The following NELL1 variants were observed in gnomAD, a reference collection of about 807,000 sequenced individuals.
NELL1 encodes the protein neural EGFL like 1, also known as protein kinase C-binding protein NELL1.
Under a neutral mutation model 107.4 loss-of-function variants are expected in NELL1, and 76 were observed. That is an observed-to-expected ratio of 0.71 (90% CI 0.59 to 0.86). The LOEUF (loss-of-function observed/expected upper bound fraction) is 0.86. Among genes scored for constraint, NELL1 ranks in the 40% least tolerant of loss-of-function variants. NELL1 has a pLI of 0.00. For missense variants in NELL1, 1,024 were observed against 1,005.5 expected (o/e 1.02, Z -0.25); for synonymous variants, 353 against 341.2 (o/e 1.03, Z -0.38).
intron 13 of NELL1, among the ~76,000 whole-genome samples, chr11:21,147,168 G>T (rs79426697): frequency 6.6e-6 from 1 of 152,196 alleles, no homozygotes. Context: ...TAGTAGTTCC[G>T]TGGGGGATTT....
At chr11:21,055,577 C>T (rs556511917) in intron 12 of NELL1, among the ~76,000 whole-genome samples, 38 of 152,006 alleles carry the variant, frequency 2.5e-4, no homozygotes, top group Admixed American at 2.5e-3. Flanking sequence ...TGAATAGAAA[C>T]CTTCTTTCTT....
chr11:20,676,012 G>C (rs1433557039), intron 1 of NELL1, among the ~76,000 whole-genome samples: 1 of 152,056 alleles, frequency 6.6e-6, no homozygotes, highest in African/African-American at 2.4e-5. Flanking sequence ...GCCTCCCAAA[G>C]TGTTAGAATT....
At chr11:21,468,205 T>A (rs1854079314) in intron 15 of NELL1, among the ~76,000 whole-genome samples, 2 of 152,100 alleles carry the variant, frequency 1.3e-5, no homozygotes. Context: ...CTGGCCATGT[T>A]GAAAAACTCA....
intron 14 of NELL1, among the ~76,000 whole-genome samples, chr11:21,261,165 T>A (rs1848522654): frequency 6.6e-6 from 1 of 151,684 alleles, no homozygotes; most frequent in Non-Finnish European, 1.5e-5. Context: ...TATAGATAAT[T>A]TGGGTGAAAA....
chr11:21,571,060 C>T (rs1370008805), intron 18 of NELL1, 120 bp downstream of exon 18: 1 of 836,912 alleles, frequency 1.2e-6, no homozygotes, highest in Non-Finnish European at 1.9e-6. Context: ...TCTGTGGGGC[C>T]TGTGGCTAAG....
In NELL1 at chr11:21,413,471, G is replaced by A. The variant is rs574138801; in HGVS notation, c.1645+42523G>A. ...AAAAAGTGTGGCTGCTTTGAAAGAC[G>A]AGCTTAAAGAAATCTCTAATCAAAT... On this transcript the variant is annotated intron_variant, in intron 15 of 19. Transcript: ENST00000357134. Among the ~76,000 whole-genome samples the A allele has an allele frequency of 5.1e-4, 78 of 152,044 alleles. 1 individual carries two copies. Among genetic ancestry groups the A allele is most frequent in the African/African-American group, 1.7e-3 (70 of 41,518 alleles).
chr11:20,862,628 T>TTTTA (rs869055167), intron 4 of NELL1, among the ~76,000 whole-genome samples: 1 of 138,760 alleles, frequency 7.2e-6, no homozygotes, highest in Non-Finnish European at 1.5e-5. Context: ...TTTTTTTTTT[T>TTTTA]ATTGATCATT....
intron 12 of NELL1, among the ~76,000 whole-genome samples, chr11:21,041,501 T>A (rs1189187395): frequency 6.6e-6 from 1 of 152,126 alleles, no homozygotes; most frequent in Non-Finnish European, 1.5e-5. Context: ...CCTTATCACC[T>A]TTCATGATGC....
chr11:21,062,816 G>GTTTA (rs202007953), intron 12 of NELL1, among the ~76,000 whole-genome samples: 5,591 of 151,436 alleles, frequency 0.037, 214 homozygotes, highest in East Asian at 0.15. Flanking sequence ...TTGTTTGTTT[G>GTTTA]TTTATTTATT....
chr11:21,081,028 T>C (rs963588925), intron 12 of NELL1, among the ~76,000 whole-genome samples: 4 of 152,084 alleles, frequency 2.6e-5, no homozygotes, highest in African/African-American at 7.2e-5. Flanking sequence ...ATATGACCTT[T>C]CAAGTCATTT....
intron 13 of NELL1, among the ~76,000 whole-genome samples, chr11:21,228,258 G>C (rs1857944948): frequency 6.6e-6 from 1 of 152,152 alleles, no homozygotes; most frequent in African/African-American, 2.4e-5. Context: ...GGAAATTATA[G>C]TTATCTATGA....
At chr11:21,570,626 C>G (rs1211756738) in intron 17 of NELL1, 138 bp from the exon 18 acceptor site, 1 of 569,450 alleles carries the variant, frequency 1.8e-6, no homozygotes, top group Non-Finnish European at 2.9e-6. Flanking sequence ...TTTGTGTGAA[C>G]ACACATGTGT....
intron 13 of NELL1, among the ~76,000 whole-genome samples, chr11:21,164,979 A>G (rs902677639): frequency 3.9e-5 from 6 of 152,092 alleles, no homozygotes; most frequent in Non-Finnish European, 7.4e-5. Flanking sequence ...CTTCTCATAG[A>G]GACTTGATTA....
intron 12 of NELL1, among the ~76,000 whole-genome samples, chr11:20,988,762 T>A (rs28485877): frequency 1.3e-5 from 2 of 151,762 alleles, no homozygotes; most frequent in South Asian, 2.1e-4. Flanking sequence ...ATTTTTTTTT[T>A]ATTTTTAGTA....
rs1361070149 is a variant in NELL1, at chr11:21,575,093, G to A, written c.*71G>A. ...TCCAACGTGATTAAGGATAGGAATC[G>A]GTAGTTTGGTTTTTTTGTTTGTTTT... On this transcript the variant is annotated 3_prime_UTR_variant, in exon 20 of 20. Transcript: ENST00000357134. 64 of 1,337,844 alleles carry A rather than the reference G, an allele frequency of 4.8e-5. No homozygotes were observed. Among genetic ancestry groups the A allele is most frequent in the Admixed American group, 1.0e-4 (6 of 57,286 alleles). The allele number at this position is 1,337,844 out of a possible 1,614,324, so 82.9% of individuals were successfully genotyped here. A position where few individuals can be genotyped will look rare whatever the true frequency, so the allele number is the denominator to read the frequency against.
At chr11:21,259,575 CG>C (rs1858853665) in intron 14 of NELL1, among the ~76,000 whole-genome samples, 1 of 151,750 alleles carries the variant, frequency 6.6e-6, no homozygotes. Context: ...AGACTGGGGT[CG>C]GTAGCCAGGA....
At chr11:20,907,184 T>A (rs1850017932) in intron 5 of NELL1, among the ~76,000 whole-genome samples, 2 of 135,660 alleles carry the variant, frequency 1.5e-5, no homozygotes, top group East Asian at 2.2e-4. Flanking sequence ...AAAGTAGAGG[T>A]AAATATCTAT....
chr11:21,073,140 T>C (rs1208439286), intron 12 of NELL1, among the ~76,000 whole-genome samples: 1 of 152,180 alleles, frequency 6.6e-6, no homozygotes, highest in Non-Finnish European at 1.5e-5. Flanking sequence ...GGAAATTATG[T>C]TGAGTCTGTT....
chr11:20,888,285 A>G (rs989426199), intron 5 of NELL1, among the ~76,000 whole-genome samples: 1 of 152,010 alleles, frequency 6.6e-6, no homozygotes, highest in East Asian at 1.9e-4. Flanking sequence ...GAACAGATAC[A>G]TGTATATAAA....
Sources: allele counts gnomAD v4.1 joint callset (sites outside exome capture counted in the v4.1 genomes callset), GRCh38; gene constraint gnomAD v4.1.1; transcripts MANE v1.5; gene names NCBI Gene and HGNC (gene_info 2026-07-23, HGNC 2026-07-21).